PARM1: variants seen among roughly 807,000 people sequenced by gnomAD.
PARM1 encodes WSC4, cell wall integrity and stress response component 4 homolog.
A neutral mutation model predicts 24.6 loss-of-function variants in PARM1; 14 were observed. That is an observed-to-expected ratio of 0.57 (90% CI 0.38 to 0.89). The LOEUF is 0.89. PARM1 is among the 40% of genes least tolerant of loss of function. The pLI, the probability that PARM1 is intolerant of heterozygous loss-of-function variation, is 0.00. For synonymous variants in PARM1, 179 were observed against 156.6 expected (o/e 1.14, Z -1.07); for missense variants, 362 against 380.4 (o/e 0.95, Z 0.40).
At chr4:74,955,251 A>G (rs2109986372) in intron 1 of PARM1, among the ~76,000 whole-genome samples, 1 of 152,200 alleles carries the variant, frequency 6.6e-6, no homozygotes. Context: ...AAAACTCATT[A>G]AAGCTATATT....
chr4:75,044,615 T>C (rs567018796), intron 3 of PARM1, among the ~76,000 whole-genome samples: 15 of 152,252 alleles, frequency 9.9e-5, no homozygotes, highest in Non-Finnish European at 1.6e-4. Flanking sequence ...TATAGTATGT[T>C]AGAAGGTGAG....
chr4:75,039,405 G>A (rs1028532836), intron 3 of PARM1, among the ~76,000 whole-genome samples: 6 of 151,988 alleles, frequency 3.9e-5, no homozygotes, highest in Admixed American at 6.6e-5. Context: ...CTGGTGGCAG[G>A]CACCTATAGT....
At chr4:75,040,240 A>G (rs551723744) in intron 3 of PARM1, among the ~76,000 whole-genome samples, 29 of 152,334 alleles carry the variant, frequency 1.9e-4, no homozygotes, top group African/African-American at 7.0e-4. Flanking sequence ...TTTACTAGCT[A>G]CGTCGTGACA....
chr4:74,972,885 A>T (rs1290908804), intron 1 of PARM1, among the ~76,000 whole-genome samples: 1 of 152,224 alleles, frequency 6.6e-6, no homozygotes, highest in Non-Finnish European at 1.5e-5. Context: ...GCTTGAGGAC[A>T]TCTGCAAGCT....
intron 3 of PARM1, among the ~76,000 whole-genome samples, chr4:75,044,768 TA>T (rs34565314): frequency 0.44 from 66,971 of 151,916 alleles, 15,359 homozygotes; most frequent in East Asian, 0.72. Flanking sequence ...TAATTGGACT[TA>T]ACAGTTCCAT....
chr4:74,963,659 A>G (rs80235545), intron 1 of PARM1, among the ~76,000 whole-genome samples: 4,430 of 152,260 alleles, frequency 0.029, 206 homozygotes, highest in African/African-American at 0.1. Context: ...GAGAGGAAAG[A>G]AATAGGAGTG....
At chr4:74,960,276 G>A (rs1721740783) in intron 1 of PARM1, among the ~76,000 whole-genome samples, 1 of 152,174 alleles carries the variant, frequency 6.6e-6, no homozygotes, top group African/African-American at 2.4e-5. Flanking sequence ...TAAAGGACCA[G>A]TGCACTTTCA....
chr4:74,985,286 T>G (rs1722330284), intron 1 of PARM1, among the ~76,000 whole-genome samples: 1 of 152,160 alleles, frequency 6.6e-6, no homozygotes, highest in Non-Finnish European at 1.5e-5. Context: ...GTCATATGGT[T>G]GTCTGTCTGT....
intron 1 of PARM1, among the ~76,000 whole-genome samples, chr4:74,952,511 C>T (rs901543800): frequency 6.6e-6 from 1 of 152,124 alleles, no homozygotes; most frequent in African/African-American, 2.4e-5. Flanking sequence ...GAAGTCTTTG[C>T]CCATGCCTAT....
chr4:74,938,171 A>C (rs913908665), intron 1 of PARM1, among the ~76,000 whole-genome samples: 2 of 152,214 alleles, frequency 1.3e-5, no homozygotes, highest in African/African-American at 4.8e-5. Context: ...GACCCCAGTC[A>C]AATTGTGCTT....
chr4:75,004,971 T>C (rs1409007272), intron 1 of PARM1, among the ~76,000 whole-genome samples: 1 of 152,244 alleles, frequency 6.6e-6, no homozygotes, highest in East Asian at 1.9e-4. Context: ...TACTGAACTT[T>C]TCTGAGCTTC....
chr4:74,991,765 C>T (rs1722475967), intron 1 of PARM1, among the ~76,000 whole-genome samples: 1 of 152,186 alleles, frequency 6.6e-6, no homozygotes, highest in Non-Finnish European at 1.5e-5. Context: ...ATGAAAGCTG[C>T]TGTGGTCCCC....
chr4:74,943,631 A>G (rs1327369334), intron 1 of PARM1, among the ~76,000 whole-genome samples: 1 of 152,234 alleles, frequency 6.6e-6, no homozygotes, highest in South Asian at 2.1e-4. Flanking sequence ...TTGGTGCCAT[A>G]GACATCATTT....
At chr4:75,001,331 T>C (rs1317899526) in intron 1 of PARM1, among the ~76,000 whole-genome samples, 2 of 152,066 alleles carry the variant, frequency 1.3e-5, no homozygotes, top group Admixed American at 1.3e-4. Flanking sequence ...GCAACAGAGG[T>C]GAGTCTCACA....
intron 1 of PARM1, among the ~76,000 whole-genome samples, chr4:74,961,928 T>C (rs937877640): frequency 2.0e-5 from 3 of 152,188 alleles, no homozygotes; most frequent in Non-Finnish European, 4.4e-5. Context: ...TAAAATCTGG[T>C]AACTTTTACA....
chr4:75,040,771 T>G (rs1488301055), intron 3 of PARM1, among the ~76,000 whole-genome samples: 1 of 152,216 alleles, frequency 6.6e-6, no homozygotes, highest in Non-Finnish European at 1.5e-5. Flanking sequence ...CATACAAAGT[T>G]TATTTTTTTT....
chr4:74,966,388 G>T (rs1721902979), intron 1 of PARM1, among the ~76,000 whole-genome samples: 1 of 152,190 alleles, frequency 6.6e-6, no homozygotes, highest in African/African-American at 2.4e-5. Context: ...GAGTGAGGGG[G>T]TGAATGGATG....
intron 1 of PARM1, among the ~76,000 whole-genome samples, chr4:74,977,731 C>T (rs1406287278): frequency 6.6e-6 from 1 of 152,098 alleles, no homozygotes; most frequent in Non-Finnish European, 1.5e-5. Flanking sequence ...GGCCAGGTCA[C>T]CTACAAAGGG....
At chr4:74,994,317 T>A (rs1722533173) in intron 1 of PARM1, 1 of 152,174 alleles carries the variant, frequency 6.6e-6, no homozygotes, top group Non-Finnish European at 1.5e-5. Flanking sequence ...CAACACCAAA[T>A]TGCCTTAAAA....
Sources: gnomAD v4.1 joint callset for allele counts (sites outside exome capture counted in the v4.1 genomes callset) on GRCh38, gnomAD v4.1.1 for gene constraint, MANE v1.5 for transcripts, NCBI Gene and HGNC (gene_info 2026-07-23, HGNC 2026-07-21) for gene names.